Variants in FOXP2 observed in about 807,000 individuals in gnomAD.
FOXP2 encodes the protein forkhead box protein P2.
Under a neutral mutation model 115.8 loss-of-function variants are expected in FOXP2, and 12 were observed. The observed-to-expected ratio is 0.10, with a 90% CI of 0.07 to 0.17. The LOEUF (loss-of-function observed/expected upper bound fraction) is 0.17. Ranked by LOEUF, FOXP2 falls within the 10% of genes least tolerant of loss-of-function variation. The pLI is 1.00. For missense variants in FOXP2, 629 were observed against 843.5 expected, an observed-to-expected ratio of 0.75 and a Z score of 3.15; for synonymous variants, 328 against 297.7, an observed-to-expected ratio of 1.10 and a Z score of -1.05.
chr7:114,535,903 TTC>T (rs1235849366), intron 3 of FOXP2, among the ~76,000 whole-genome samples: 2 of 151,534 alleles, frequency 1.3e-5, no homozygotes, highest in Admixed American at 1.3e-4. Flanking sequence ...CAGTTTTTTT[TTC>T]TCTTTTAAAA....
chr7:114,227,554 A>G (rs74996083), intron 1 of FOXP2, among the ~76,000 whole-genome samples: 1 of 18,998 alleles, frequency 5.3e-5, no homozygotes, highest in Non-Finnish European at 1.4e-4. Flanking sequence ...CTGTCTTTCT[A>G]GAATACCTGT....
At chr7:114,358,560 A>G (rs1001419553) in intron 2 of FOXP2, among the ~76,000 whole-genome samples, 3 of 152,146 alleles carry the variant, frequency 2.0e-5, no homozygotes, top group Non-Finnish European at 4.4e-5. Context: ...AGCTTCCTAG[A>G]GACTTGTTGA....
intron 1 of FOXP2, among the ~76,000 whole-genome samples, chr7:114,180,954 AT>A (rs1410646062): frequency 6.6e-6 from 1 of 151,924 alleles, no homozygotes; most frequent in African/African-American, 2.4e-5. Flanking sequence ...TCTGCTTAAA[AT>A]TTTGCTGTTG....
At chr7:114,572,384 ACAAC>A (rs1418789130) in intron 3 of FOXP2, among the ~76,000 whole-genome samples, 1 of 151,730 alleles carries the variant, frequency 6.6e-6, no homozygotes, top group Non-Finnish European at 1.5e-5. Flanking sequence ...CTTTTTTGTA[ACAAC>A]ATTTGAAAGA....
At chr7:114,606,274 T>C (rs1034303098) in intron 3 of FOXP2, among the ~76,000 whole-genome samples, 2 of 152,184 alleles carry the variant, frequency 1.3e-5, no homozygotes, top group African/African-American at 4.8e-5. Context: ...TAGTTATTTG[T>C]ATGTCTATAA....
At chr7:114,186,110 G>A (rs1452699510) in intron 1 of FOXP2, among the ~76,000 whole-genome samples, 2 of 152,040 alleles carry the variant, frequency 1.3e-5, no homozygotes, top group Non-Finnish European at 2.9e-5. Context: ...CTGTTACAAT[G>A]GCAACTGAAT....
intron 1 of FOXP2, among the ~76,000 whole-genome samples, chr7:114,211,490 C>T (rs911323782): frequency 1.3e-5 from 2 of 152,170 alleles, no homozygotes; most frequent in African/African-American, 4.8e-5. Flanking sequence ...GGCTGTCACC[C>T]CTGGGTTGAG....
In FOXP2 at chr7:114,597,413, C is replaced by A. The variant is rs544732511; in HGVS notation, c.259-31127C>A. On this transcript the variant is annotated intron_variant, in intron 3 of 16. Coordinates refer to ENST00000350908, the MANE Select transcript of FOXP2 (RefSeq NM_014491.4). ...TGGTCTATGAAGGAGAGGTAATATTCCAATGTTATATACATTATAGTCCAT... is the reference window on the plus strand; with the variant it reads ...TGGTCTATGAAGGAGAGGTAATATTACAATGTTATATACATTATAGTCCAT... Among the ~76,000 whole-genome samples the A allele has an allele frequency of 1.2e-4, 19 of 152,178 alleles. No homozygotes were observed. The South Asian group carries it at 3.9e-3, about 32-fold the overall frequency.
rs558584497 is a variant in FOXP2 at position 114,670,264 on chromosome 7, A to G, written c.2003+5828A>G. On this transcript the variant is annotated intron_variant, in intron 16 of 16. Coordinates refer to ENST00000350908, the MANE Select transcript of FOXP2 (RefSeq NM_014491.4). ...GTTAATATATTGGATATAATATAAGAAAATTAATTTATTGTGTCCTTAGAA... is the reference window on the plus strand; with the variant it reads ...GTTAATATATTGGATATAATATAAGGAAATTAATTTATTGTGTCCTTAGAA... Among the ~76,000 whole-genome samples, 3 of 152,218 alleles carry G rather than the reference A, an allele frequency of 2.0e-5. No homozygotes were observed. In the East Asian group the frequency reaches 5.8e-4, roughly 29 times the overall value.
At chr7:114,636,603 A>G (rs892753893) in intron 6 of FOXP2, among the ~76,000 whole-genome samples, 2 of 148,898 alleles carry the variant, frequency 1.3e-5, no homozygotes, top group Non-Finnish European at 3.0e-5. Flanking sequence ...GACACAGAAA[A>G]AGAAATGACA....
intron 1 of FOXP2, among the ~76,000 whole-genome samples, chr7:114,206,256 G>T (rs1374818017): frequency 6.6e-6 from 1 of 152,034 alleles, no homozygotes; most frequent in Non-Finnish European, 1.5e-5. Context: ...CTGAAAGAAA[G>T]AAAATCCAAA....
chr7:114,578,949 A>T (rs1801706083), intron 3 of FOXP2, among the ~76,000 whole-genome samples: 1 of 152,178 alleles, frequency 6.6e-6, no homozygotes, highest in Non-Finnish European at 1.5e-5. Flanking sequence ...AACATATATA[A>T]GGCAATAGAA....
Position 114,381,478 on chromosome 7 carries a change from GA to G in FOXP2, c.-10-45022del, listed in dbSNP as rs543986877. 7.2e-5 allele frequency among the ~76,000 whole-genome samples: 11 copies of G among 152,210 alleles called. 1 individual carries two copies. The highest frequency in any genetic ancestry group is 5.9e-5 in the Non-Finnish European group (4 of 68,036). Reference sequence around the variant, plus strand: ...GGCCAAATAGATGGGGGCTATCCTTGAACCCTTGGGGTAAAACAGTCCAGGT... The same window carrying G: ...GGCCAAATAGATGGGGGCTATCCTTGACCCTTGGGGTAAAACAGTCCAGGT... On this transcript the variant is annotated intron_variant, in intron 2 of 17. Coordinates refer to the FOXP2 transcript ENST00000634411.
In FOXP2 at chr7:114,662,183, C is replaced by T. The variant is rs1806907056; in HGVS notation, c.1766C>T (p.Thr589Ile). Residue 589 changes from threonine to isoleucine, a missense_variant, in exon 14 of 17, where the codon ACA becomes ATA. Physicochemically the swap from Thr to Ile is moderately conservative, Grantham distance 89 (BLOSUM62 -1). Around this residue, in one of 9 missense-constraint regions of FOXP2, gnomAD observed 40 missense variants for 75.3 expected, o/e 0.53. Transcript: ENST00000350908. Reference sequence around the variant, plus strand: ...CAGAAGCGAAGGTCACAAAAGATAACAGGGTATGTTTGTGATAGTTTTGTA... The same window carrying T: ...CAGAAGCGAAGGTCACAAAAGATAATAGGGTATGTTTGTGATAGTTTTGTA... ...EYQKRRSQKI[T>I]GSPTLVKNIP... 3 of 1,612,422 alleles carry T rather than the reference C, an allele frequency of 1.9e-6. No homozygotes were observed. The highest frequency in any genetic ancestry group is 2.5e-6 in the Non-Finnish European group (3 of 1,178,892).
At chr7:114,268,867 T>C (rs1238967732) in intron 1 of FOXP2, among the ~76,000 whole-genome samples, 1 of 152,124 alleles carries the variant, frequency 6.6e-6, no homozygotes, top group Non-Finnish European at 1.5e-5. Context: ...TTAAAGGAAA[T>C]ATAGTCAATC....
At chr7:114,595,789 G>C (rs149281329) in intron 3 of FOXP2, among the ~76,000 whole-genome samples, 1 of 151,902 alleles carries the variant, frequency 6.6e-6, no homozygotes, top group Non-Finnish European at 1.5e-5. Context: ...ATACAGAAGG[G>C]TACAGGCTGA....
intron 1 of FOXP2, among the ~76,000 whole-genome samples, chr7:114,147,834 G>A (rs1458232760): frequency 6.6e-6 from 1 of 152,150 alleles, no homozygotes; most frequent in African/African-American, 2.4e-5. Flanking sequence ...GGGAGCAGTG[G>A]AAACCCAGAT....
chr7:114,396,164 T>TC (rs1161564851), intron 2 of FOXP2, among the ~76,000 whole-genome samples: 2 of 151,858 alleles, frequency 1.3e-5, no homozygotes, highest in East Asian at 3.9e-4. Flanking sequence ...CCACAACCCC[T>TC]CCACTACCCT....
upstream of FOXP2, among the ~76,000 whole-genome samples, chr7:114,410,571 ATTTTCCTTTTTGTT>A (rs1038020096): frequency 1.3e-5 from 2 of 152,068 alleles, no homozygotes; most frequent in African/African-American, 4.8e-5. Flanking sequence ...CTCAATAAAT[ATTTTCCTTTTTGTT>A]TTATGTAACA....
Sources: gnomAD v4.1 joint callset for allele counts (sites outside exome capture counted in the v4.1 genomes callset) on GRCh38, gnomAD v4.1.1 for gene constraint, gnomAD v4.1.1 regional missense constraint, MANE v1.5 for transcripts, NCBI Gene and HGNC (gene_info 2026-07-23, HGNC 2026-07-21) for gene names.